The following PRKD3 variants were observed in gnomAD, a reference collection of about 807,000 sequenced individuals.
PRKD3 encodes the protein serine/threonine-protein kinase D3.
Under a neutral mutation model 99.2 loss-of-function variants are expected in PRKD3, and 47 were observed. That is an observed-to-expected ratio of 0.47 (90% confidence interval 0.38 to 0.60). The LOEUF (loss-of-function observed/expected upper bound fraction) is 0.60, where lower values mean the gene tolerates loss of function less well. PRKD3 is among the 20% of genes least tolerant of loss of function. The pLI is 0.00. For synonymous variants in PRKD3, 392 were observed against 355.4 expected (o/e 1.10, Z -1.16); for missense variants, 1,019 against 1,088.4 (o/e 0.94, Z 0.90).
intron 7 of PRKD3, 135 bp downstream of exon 7, chr2:37,282,403 TTTTG>T: frequency 1.6e-6 from 1 of 634,626 alleles, no homozygotes; most frequent in South Asian, 2.1e-5. Context: ...GGTCTGTGTA[TTTTG>T]TTTGATTATT....
chr2:37,259,263 T>A (rs1445902357), intron 16 of PRKD3, among the ~76,000 whole-genome samples: 1 of 152,198 alleles, frequency 6.6e-6, no homozygotes, highest in Non-Finnish European at 1.5e-5. Context: ...CCCATTTGTT[T>A]TATTTATGAG....
In PRKD3 at chr2:37,267,464, T is replaced by C; in HGVS notation, c.1850A>G (p.Glu617Gly). ...IDKMRFPTKQ[E>G]SQLRNEVAIL... ...AGCCACTTCATTACGGAGTTGACTT[T>C]CTTGTTTTGTGGGGAATCTCATCTT... Residue 617 changes from glutamate to glycine, a missense_variant, in exon 14 of 19, where the codon GAA (glutamate) becomes GGA (glycine). By Grantham distance (98) the Glu-to-Gly change is moderately conservative (BLOSUM62 -2). Coordinates refer to ENST00000234179, the MANE Select transcript of PRKD3 (RefSeq NM_005813.6). 6.2e-7 allele frequency: 1 copy of C among 1,610,304 alleles called. No individual in the cohort carries two copies.
chr2:37,261,597 A>G (rs912049310), intron 14 of PRKD3, among the ~76,000 whole-genome samples: 1 of 151,560 alleles, frequency 6.6e-6, no homozygotes, highest in South Asian at 2.1e-4. Context: ...CCTGACCAAC[A>G]TGGAGAAACC....
Position 37,316,748 on chromosome 2 carries a change from AGTCTT to A in PRKD3, c.-229_-225del. 7.3e-7 allele frequency: 1 copy of A among 1,375,750 alleles called. No homozygotes were observed. The highest frequency in any genetic ancestry group is 9.4e-7 in the Non-Finnish European group (1 of 1,068,894). 85.2% of individuals were successfully genotyped at this position (1,375,750 alleles called of 1,614,324 possible). ...CTTAATATCAGTCCCATCAAAAAGC[AGTCTT>A]GTCTGTAGGAAGACAACCAGGGATT... On this transcript the variant is annotated 5_prime_UTR_variant, in exon 2 of 19. It removes the in-frame stop codon of an upstream open reading frame in the 5' UTR. Coordinates refer to ENST00000234179, the MANE Select transcript of PRKD3 (RefSeq NM_005813.6).
At chr2:37,314,966 T>C (rs1461460977) in intron 2 of PRKD3, among the ~76,000 whole-genome samples, 2 of 147,966 alleles carry the variant, frequency 1.4e-5, no homozygotes, top group South Asian at 2.2e-4. Flanking sequence ...AAAGGCAGCA[T>C]AGGTCATTTT....
chr2:37,259,086 CAG>C (rs1668211927), intron 16 of PRKD3, among the ~76,000 whole-genome samples: 1 of 151,376 alleles, frequency 6.6e-6, no homozygotes, highest in Non-Finnish European at 1.5e-5. Flanking sequence ...TAAGAAAAAT[CAG>C]AGAGTGCTAC....
chr2:37,278,160 G>A, intron 8 of PRKD3, 171 bp from the exon 9 acceptor site: 1 of 397,016 alleles, frequency 2.5e-6, no homozygotes, highest in Non-Finnish European at 4.4e-6. Context: ...ATACATAAAA[G>A]ATTCTATTTT....
intron 7 of PRKD3, 61 bp from the exon 8 acceptor site, chr2:37,279,990 GAA>G (rs748970979): frequency 4.3e-6 from 5 of 1,160,754 alleles, no homozygotes; most frequent in Admixed American, 2.6e-5. Context: ...CATTAAATGT[GAA>G]AAAAGTCTTA....
At chr2:37,289,314 G>A (rs768184780) in intron 5 of PRKD3, 42 bp downstream of exon 5, 2 of 1,597,038 alleles carry the variant, frequency 1.3e-6, no homozygotes, top group East Asian at 2.2e-5. Flanking sequence ...GAAACACAGA[G>A]AATAACTACT....
chr2:37,290,185 C>G (rs1670333858), intron 4 of PRKD3, among the ~76,000 whole-genome samples: 2 of 152,138 alleles, frequency 1.3e-5, no homozygotes, highest in African/African-American at 4.8e-5. Flanking sequence ...CTACTCCTAG[C>G]AATTCTAATT....
At chr2:37,263,647 A>G (rs1275738360) in intron 14 of PRKD3, among the ~76,000 whole-genome samples, 1 of 152,150 alleles carries the variant, frequency 6.6e-6, no homozygotes, top group African/African-American at 2.4e-5. Context: ...CCTTGAGTTA[A>G]ATCTTATCAG....
intron 17 of PRKD3, among the ~76,000 whole-genome samples, chr2:37,255,768 G>A (rs1667881743): frequency 6.6e-6 from 1 of 152,162 alleles, no homozygotes; most frequent in African/African-American, 2.4e-5. Context: ...CACTTTGGGA[G>A]GTCAAGTTGG....
intron 14 of PRKD3, among the ~76,000 whole-genome samples, chr2:37,265,411 A>G (rs996492737): frequency 4.6e-5 from 7 of 152,204 alleles, no homozygotes; most frequent in Admixed American, 2.6e-4. Context: ...AGATTGTACT[A>G]ATAGAATATT....
chr2:37,283,071 C>G (rs559666742), intron 6 of PRKD3, among the ~76,000 whole-genome samples: 1 of 152,360 alleles, frequency 6.6e-6, no homozygotes, highest in South Asian at 2.1e-4. Context: ...GACTGAGTTT[C>G]TCCAGCACAA....
intron 14 of PRKD3, among the ~76,000 whole-genome samples, chr2:37,266,489 C>CT (rs556254577): frequency 0.1 from 13,622 of 129,748 alleles, 1,034 homozygotes; most frequent in East Asian, 0.35. Flanking sequence ...CCACACCCGG[C>CT]TTTTTTTTTT....
chr2:37,298,899 A>G (rs1185448599), intron 2 of PRKD3, among the ~76,000 whole-genome samples: 5 of 152,152 alleles, frequency 3.3e-5, no homozygotes, highest in African/African-American at 1.2e-4. Flanking sequence ...TTCCTTTCCA[A>G]TTTGGATACC....
At chr2:37,310,282 T>A (rs1671365117) in intron 2 of PRKD3, among the ~76,000 whole-genome samples, 1 of 152,214 alleles carries the variant, frequency 6.6e-6, no homozygotes, top group Non-Finnish European at 1.5e-5. Context: ...AAGATCAGAT[T>A]AATACATAAT....
Position 37,263,876 on chromosome 2 carries a change from T to C in PRKD3, c.1885-3492A>G, listed in dbSNP as rs374913137. Among the ~76,000 whole-genome samples, 6 of 152,206 alleles carry C rather than the reference T, an allele frequency of 3.9e-5. No homozygotes were observed. In the East Asian group the frequency reaches 5.8e-4, roughly 15 times the overall value. On this transcript the variant is annotated intron_variant, in intron 14 of 18. Coordinates refer to ENST00000234179, the MANE Select transcript of PRKD3 (RefSeq NM_005813.6). Reference sequence around the variant, plus strand: ...TATGCTCACTTCTGTTAATCATTTTTCTTATAGCTTTGGGGTAGCTTCCAA... The same window carrying C: ...TATGCTCACTTCTGTTAATCATTTTCCTTATAGCTTTGGGGTAGCTTCCAA...
intron 5 of PRKD3, among the ~76,000 whole-genome samples, chr2:37,287,939 A>C (rs1330714449): frequency 1.3e-5 from 2 of 152,240 alleles, no homozygotes; most frequent in Non-Finnish European, 2.9e-5. Flanking sequence ...AACTGACTAA[A>C]GTAAACCCTG....
Sources: allele counts gnomAD v4.1 joint callset (sites outside exome capture counted in the v4.1 genomes callset), GRCh38; gene constraint gnomAD v4.1.1; transcripts MANE v1.5; gene names NCBI Gene and HGNC (gene_info 2026-07-23, HGNC 2026-07-21).